EFEMP1: variants seen among roughly 807,000 people sequenced by gnomAD.
EFEMP1 encodes EGF-containing fibulin-like extracellular matrix protein 1.
A neutral mutation model predicts 65.7 loss-of-function variants in EFEMP1; 18 were observed. The ratio of observed to expected loss-of-function variants is 0.27; its 90% CI spans 0.19 to 0.41. The LOEUF is 0.41. Among genes scored for constraint, EFEMP1 ranks in the 10% least tolerant of loss-of-function variants. The pLI, the probability that EFEMP1 is intolerant of heterozygous loss-of-function variation, is 1.00. For missense variants in EFEMP1, 469 were observed against 624.8 expected, an observed-to-expected ratio of 0.75 and a Z score of 2.66; for synonymous variants, 237 against 219.7, an observed-to-expected ratio of 1.08 and a Z score of -0.70.
chr2:55,897,622 T>C (rs1431122038), intron 5 of EFEMP1, among the ~76,000 whole-genome samples: 1 of 152,242 alleles, frequency 6.6e-6, no homozygotes, highest in African/African-American at 2.4e-5. Flanking sequence ...TAAAATTCTT[T>C]TGGATTAATC....
Position 55,874,978 on chromosome 2 carries a change from C to T in EFEMP1, c.968G>A (p.Gly323Glu). 1 of 1,608,682 alleles carries T rather than the reference C, an allele frequency of 6.2e-7. No homozygotes were observed. ...PGKFSCMCPQ[G>E]YQVVRSRTCQ... ...TGTTCTACTTCTCACCACTTGGTAT[C>T]CCTGGGGGCACATACATGAGAATTT... Residue 323 changes from glycine (G) to glutamate (E), a missense_variant, in exon 9 of 12, where the codon GGA (glycine) becomes GAA (glutamate). By Grantham distance (98) the Gly-to-Glu change is moderately conservative (BLOSUM62 -2). Around this residue, in one of 3 missense-constraint regions of EFEMP1, gnomAD observed 399 missense variants for 528.2 expected, o/e 0.76. Transcript: ENST00000355426.
chr2:55,918,991 A>C (rs1417592660), intron 3 of EFEMP1, among the ~76,000 whole-genome samples: 3 of 152,158 alleles, frequency 2.0e-5, no homozygotes, highest in African/African-American at 7.2e-5. Context: ...GCCTTCTACA[A>C]GTGTATGCAG....
chr2:55,907,850 C>A (rs896954433), intron 5 of EFEMP1, among the ~76,000 whole-genome samples: 1 of 152,312 alleles, frequency 6.6e-6, no homozygotes, highest in South Asian at 2.1e-4. Flanking sequence ...TCACCACCTT[C>A]CCCACAACGA....
chr2:55,874,847 T>TG, intron 9 of EFEMP1, 99 bp downstream of exon 9: 2 of 1,299,280 alleles, frequency 1.5e-6, no homozygotes, highest in Non-Finnish European at 2.1e-6. Flanking sequence ...ATATTGAAAG[T>TG]GGGAAAAATG....
At position 55,869,777 on chromosome 2, in the gene EFEMP1, C is replaced by T. The variant is rs145080952; in HGVS notation, c.1320+943G>A. Among the ~76,000 whole-genome samples the T allele has an allele frequency of 3.3e-5, 5 of 152,194 alleles. No homozygotes were observed. The East Asian group carries it at 9.7e-4, about 29-fold the overall frequency. ...GATGAATAACATCATTAGCATGAAA[C>T]AGTTACCGTAACTCTGCAAACTGCT... On this transcript the variant is annotated intron_variant, in intron 11 of 11. Coordinates refer to ENST00000355426, the MANE Select transcript of EFEMP1 (RefSeq NM_001039348.3).
chr2:55,880,951 G>C (rs920104409), intron 6 of EFEMP1, among the ~76,000 whole-genome samples: 1 of 152,218 alleles, frequency 6.6e-6, no homozygotes, highest in Non-Finnish European at 1.5e-5. Flanking sequence ...AGGCCCTCCA[G>C]CAGAGGCACG....
chr2:55,910,939 G>A (rs1423358226), intron 5 of EFEMP1, among the ~76,000 whole-genome samples: 1 of 152,056 alleles, frequency 6.6e-6, no homozygotes, highest in Non-Finnish European at 1.5e-5. Context: ...AAACCGAACC[G>A]CTACAGCATT....
chr2:55,913,009 G>A (rs988097956), intron 5 of EFEMP1, among the ~76,000 whole-genome samples: 4 of 152,114 alleles, frequency 2.6e-5, no homozygotes, highest in South Asian at 2.1e-4. Flanking sequence ...ATGGGATCCC[G>A]ACAACTGCAA....
chr2:55,878,059 T>C (rs1669103285), intron 6 of EFEMP1, among the ~76,000 whole-genome samples, 194 bp from the exon 7 acceptor site: 2 of 152,200 alleles, frequency 1.3e-5, no homozygotes, highest in Admixed American at 1.3e-4. Flanking sequence ...AAAGACTCAA[T>C]GTTCATGCCA....
chr2:55,915,482 A>T (rs564372062), intron 5 of EFEMP1, among the ~76,000 whole-genome samples: 2 of 152,358 alleles, frequency 1.3e-5, no homozygotes, highest in East Asian at 3.9e-4. Context: ...TACAGTTTCT[A>T]CCGTAACCAA....
rs763898876 is a variant in EFEMP1 at position 55,876,762 on chromosome 2, A to G, written c.761-20T>C. On this transcript the variant is annotated intron_variant, in intron 7 of 11. Transcript: ENST00000355426. ...TTATATCTGAAAAAAAGTTTTATATATATATATATGTATATGTATATATAT... is the reference window on the plus strand; with the variant it reads ...TTATATCTGAAAAAAAGTTTTATATGTATATATATGTATATGTATATATAT... 37 of 1,453,906 alleles carry G rather than the reference A, an allele frequency of 2.5e-5. No homozygotes were observed. The highest frequency in any genetic ancestry group is 3.5e-5 in the Non-Finnish European group (37 of 1,067,090). 90.1% of individuals were successfully genotyped at this position (1,453,906 alleles called of 1,614,324 possible).
chr2:55,922,835 G>C lies in EFEMP1; in HGVS notation c.-8+64C>G, dbSNP rs1670952774. ...CCTGCCCCCCAGTCCCACACCCCGG[G>C]GGATGGAGGTGGGGCTGCAAAACTC... is the stretch of plus-strand genomic sequence containing the variant. On this transcript the variant is annotated intron_variant, in intron 2 of 11. Transcript: ENST00000355426. This position sits in a 1 kb window ranked among gnomAD's most constrained non-coding sequence, Gnocchi z 5.5. The C allele has an allele frequency of 3.5e-6, 4 of 1,129,340 alleles. No homozygotes were observed. The highest frequency in any genetic ancestry group is 4.0e-4 in the Middle Eastern group (1 of 2,500). 70.0% of individuals were successfully genotyped at this position (1,129,340 alleles called of 1,614,324 possible). A position where few individuals can be genotyped will look rare whatever the true frequency, so the allele number is the denominator to read the frequency against.
At chr2:55,892,347 C>G (rs1470807675) in intron 5 of EFEMP1, among the ~76,000 whole-genome samples, 6 of 152,098 alleles carry the variant, frequency 3.9e-5, no homozygotes, top group Non-Finnish European at 8.8e-5. Context: ...TTTTCTAGCT[C>G]TAATCTCTTC....
chr2:55,910,691 A>T (rs761068241), intron 5 of EFEMP1, among the ~76,000 whole-genome samples: 2 of 152,208 alleles, frequency 1.3e-5, no homozygotes, highest in Non-Finnish European at 2.9e-5. Flanking sequence ...TTAAGTGTTA[A>T]CTAGTCTTAA....
rs1670746913 is a variant in EFEMP1 at position 55,917,626 on chromosome 2, C to A, written c.517+39G>T. The A allele has an allele frequency of 6.2e-7, 1 of 1,613,766 alleles. No individual in the cohort carries two copies. The highest frequency in any genetic ancestry group is 1.3e-5 in the African/African-American group (1 of 74,926). ...ATCCTCACCACGAGGTGCACTTGGG[C>A]AAAAGCTTTCAATGGTTAGGAAAAT... On this transcript the variant is annotated intron_variant, in intron 5 of 11. Coordinates refer to ENST00000355426, the MANE Select transcript of EFEMP1 (RefSeq NM_001039348.3). This position sits in a 1 kb window ranked among gnomAD's most constrained non-coding sequence, Gnocchi z 6.3.
At position 55,917,331 on chromosome 2, in the gene EFEMP1, C is replaced by A. The variant is rs185737968; in HGVS notation, c.517+334G>T. Among the ~76,000 whole-genome samples, 43 of 152,250 alleles carry A rather than the reference C, an allele frequency of 2.8e-4. No homozygotes were observed. Among genetic ancestry groups the A allele is most frequent in the African/African-American group, 9.4e-4 (39 of 41,544 alleles). On this transcript the variant is annotated intron_variant, in intron 5 of 11. Transcript: ENST00000355426. This position sits in a 1 kb window ranked among gnomAD's most constrained non-coding sequence, Gnocchi z 6.3. The stretch of plus-strand genomic sequence containing the variant: ...TGAGGAACTGAAAAAAAAGCCGATG[C>A]CTGGAACCCACCTCAGAGACTGTGA...
chr2:55,904,010 GCA>G (rs1488374464), intron 5 of EFEMP1, among the ~76,000 whole-genome samples: 1 of 152,086 alleles, frequency 6.6e-6, no homozygotes, highest in Non-Finnish European at 1.5e-5. Context: ...AGGGTAAGAA[GCA>G]GCGCCTGGAA....
At position 55,867,768 on chromosome 2, in the gene EFEMP1, T is replaced by G. The variant is rs1193295756; in HGVS notation, c.1321-534A>C. Among the ~76,000 whole-genome samples the G allele has an allele frequency of 6.6e-6, 1 of 152,124 alleles. No homozygotes were observed. The highest frequency in any genetic ancestry group is 1.5e-5 in the Non-Finnish European group (1 of 68,022). ...AAGAAAAGGAAGAGCCCTGAAGCAC[T>G]GAGGGAAAGCTTTTGAATGCCTGAT... On this transcript the variant is annotated intron_variant, in intron 11 of 11. Coordinates refer to ENST00000355426, the MANE Select transcript of EFEMP1 (RefSeq NM_001039348.3). This position sits in a 1 kb window ranked among gnomAD's most constrained non-coding sequence, Gnocchi z 4.3.
intron 5 of EFEMP1, among the ~76,000 whole-genome samples, chr2:55,884,265 T>G (rs1405468298): frequency 6.6e-6 from 1 of 152,370 alleles, no homozygotes; most frequent in Non-Finnish European, 1.5e-5. Flanking sequence ...ATTTTGAAAA[T>G]TATACTTTGA....
Sources: gnomAD v4.1 joint callset for allele counts (sites outside exome capture counted in the v4.1 genomes callset) on GRCh38, gnomAD v4.1.1 for gene constraint, gnomAD v4.1.1 regional missense constraint, Gnocchi (gnomAD v3.1) non-coding constraint, MANE v1.5 for transcripts, NCBI Gene and HGNC (gene_info 2026-07-23, HGNC 2026-07-21) for gene names.